Variants in SMOC1 observed in about 807,000 individuals in gnomAD.
SMOC1 encodes the protein SPARC-related modular calcium-binding protein 1.
SMOC1 carries 22 observed loss-of-function variants against 56.3 expected under a neutral mutation model. The observed-to-expected ratio is 0.39, with a 90% CI of 0.28 to 0.56. The LOEUF (loss-of-function observed/expected upper bound fraction) is 0.56. SMOC1 is among the 20% of genes least tolerant of loss of function. The probability of loss-of-function intolerance (pLI) is 0.61; values close to 1 mark genes in which losing one functional copy is unlikely to be tolerated. For missense variants in SMOC1, 509 were observed against 565.4 expected, an observed-to-expected ratio of 0.90 and a Z score of 1.01; for synonymous variants, 193 against 215.0, an observed-to-expected ratio of 0.90 and a Z score of 0.89.
At chr14:69,884,370 A>C (rs1856186894) in intron 1 of SMOC1, among the ~76,000 whole-genome samples, 1 of 152,086 alleles carries the variant, frequency 6.6e-6, no homozygotes, top group Admixed American at 6.5e-5. Flanking sequence ...TCAGATATAC[A>C]GTTTGTGAAT....
intron 1 of SMOC1, among the ~76,000 whole-genome samples, chr14:69,882,309 G>A (rs1883664805): frequency 6.6e-6 from 1 of 152,156 alleles, no homozygotes; most frequent in South Asian, 2.1e-4. Context: ...TTAAGGATTG[G>A]CATCTTTTCC....
intron 1 of SMOC1, among the ~76,000 whole-genome samples, chr14:69,947,879 T>G (rs966499458): frequency 7.2e-5 from 11 of 152,250 alleles, no homozygotes; most frequent in African/African-American, 2.4e-4. Context: ...GAGAAGTTCT[T>G]TTGAACTGTG....
chr14:69,909,880 T>A (rs1394175709), intron 1 of SMOC1, among the ~76,000 whole-genome samples: 1 of 151,918 alleles, frequency 6.6e-6, no homozygotes, highest in Non-Finnish European at 1.5e-5. Context: ...GGTTTTTGGG[T>A]CTAGCACTCC....
chr14:69,965,533 T>G (rs1325461885), intron 3 of SMOC1, among the ~76,000 whole-genome samples: 1 of 152,028 alleles, frequency 6.6e-6, no homozygotes, highest in Non-Finnish European at 1.5e-5. Flanking sequence ...AAGAGTAGGA[T>G]TCTGACTCGA....
At chr14:69,913,171 A>G (rs1884599285) in intron 1 of SMOC1, among the ~76,000 whole-genome samples, 1 of 152,156 alleles carries the variant, frequency 6.6e-6, no homozygotes, top group Non-Finnish European at 1.5e-5. Context: ...GTGTGGTTCT[A>G]TCTGTAGGGT....
At chr14:70,012,453 T>C (rs1885373539) in intron 9 of SMOC1, among the ~76,000 whole-genome samples, 1 of 152,226 alleles carries the variant, frequency 6.6e-6, no homozygotes, top group African/African-American at 2.4e-5. Context: ...CATTTATAGA[T>C]AGTTGTGGTG....
rs572679889 is a variant in SMOC1, at chr14:69,974,869, G to A, written c.379-846G>A. ...CAGGTTTTACCCTTGCCTTAATCCC[G>A]TCATGTGTGCCCTCATCTCAAGACA... On this transcript the variant is annotated intron_variant, in intron 3 of 11. Transcript: ENST00000361956. Among the ~76,000 whole-genome samples, 7 of 152,134 alleles carry A rather than the reference G, an allele frequency of 4.6e-5. No homozygotes were observed. The East Asian group carries it at 5.8e-4, about 13-fold the overall frequency.
chr14:69,911,250 A>G (rs1210186723), intron 1 of SMOC1, among the ~76,000 whole-genome samples: 1 of 152,186 alleles, frequency 6.6e-6, no homozygotes, highest in East Asian at 1.9e-4. Context: ...GCCTGGGGGT[A>G]AAGGCTGGAG....
At position 70,017,402 on chromosome 14, in the gene SMOC1, A is replaced by G. The variant is rs114122345; in HGVS notation, c.1046+3911A>G. On this transcript the variant is annotated intron_variant, in intron 10 of 11. Coordinates refer to ENST00000361956, the MANE Select transcript of SMOC1 (RefSeq NM_001034852.3). Reference sequence around the variant, plus strand: ...CATGTCTGGAACAGGACTGACGAAGACAATTAGGAAATCCAGGCATTCTGA... The same window carrying G: ...CATGTCTGGAACAGGACTGACGAAGGCAATTAGGAAATCCAGGCATTCTGA... 7.9e-4 allele frequency among the ~76,000 whole-genome samples: 120 copies of G among 152,310 alleles called. 2 individuals carry two copies. Among genetic ancestry groups the G allele is most frequent in the African/African-American group, 2.8e-3 (118 of 41,574 alleles).
chr14:69,885,660 TGTC>T, intron 1 of SMOC1: 1 of 1,452,264 alleles, frequency 6.9e-7, no homozygotes, highest in Non-Finnish European at 9.6e-7. Context: ...ATGGGATCCA[TGTC>T]GTGTGAAATC....
intron 1 of SMOC1, among the ~76,000 whole-genome samples, chr14:69,913,528 C>T (rs1158046977): frequency 6.6e-6 from 1 of 151,932 alleles, no homozygotes; most frequent in South Asian, 2.1e-4. Flanking sequence ...ACAATATATT[C>T]CTTGCTTTTC....
chr14:69,942,657 A>G (rs1451564101), intron 1 of SMOC1, among the ~76,000 whole-genome samples: 1 of 152,178 alleles, frequency 6.6e-6, no homozygotes, highest in Non-Finnish European at 1.5e-5. Flanking sequence ...ATGGAATTAT[A>G]TAGTATATAA....
At chr14:69,952,065 T>C in intron 1 of SMOC1, 73 bp from the exon 2 acceptor site, 1 of 1,537,422 alleles carries the variant, frequency 6.5e-7, no homozygotes, top group Non-Finnish European at 9.0e-7. Context: ...AAACAAGTAC[T>C]GTAAGTCATG....
rs114180978 is a variant in SMOC1 at position 69,917,499 on chromosome 14, C to T, written c.100-34639C>T. Reference sequence around the variant, plus strand: ...ACAGCTTCTTAATCAATGAATGACACATTTAGAAAACATTTAAATAAACAT... The same window carrying T: ...ACAGCTTCTTAATCAATGAATGACATATTTAGAAAACATTTAAATAAACAT... On this transcript the variant is annotated intron_variant, in intron 1 of 11. Transcript: ENST00000361956. Among the ~76,000 whole-genome samples the T allele has an allele frequency of 2.2e-3, 339 of 152,282 alleles. 1 individual carries two copies. The highest frequency in any genetic ancestry group is 7.8e-3 in the African/African-American group (323 of 41,560).
At chr14:70,028,028 G>A (rs1170407686) in intron 11 of SMOC1, among the ~76,000 whole-genome samples, 1 of 152,138 alleles carries the variant, frequency 6.6e-6, no homozygotes, top group South Asian at 2.1e-4. Context: ...TGCATGCTAG[G>A]TGGGGACAGA....
At chr14:69,994,598 T>C (rs1264638084) in intron 7 of SMOC1, 118 bp downstream of exon 7, 2 of 815,202 alleles carry the variant, frequency 2.5e-6, no homozygotes, top group African/African-American at 3.4e-5. Context: ...GTTGTCAATT[T>C]CTATAGCTAT....
chr14:69,881,581 A>G (rs1883640855), intron 1 of SMOC1, among the ~76,000 whole-genome samples: 1 of 152,014 alleles, frequency 6.6e-6, no homozygotes, highest in Admixed American at 6.6e-5. Flanking sequence ...AGGAATTGTA[A>G]ATAGGCTGGT....
At chr14:70,000,263 A>C (rs1028653455) in intron 7 of SMOC1, among the ~76,000 whole-genome samples, 3 of 152,238 alleles carry the variant, frequency 2.0e-5, no homozygotes, top group African/African-American at 7.2e-5. Context: ...AAATTTAAAT[A>C]GCTTTTCCAT....
At chr14:69,886,754 A>G (rs973402079) in intron 1 of SMOC1, among the ~76,000 whole-genome samples, 1 of 152,164 alleles carries the variant, frequency 6.6e-6, no homozygotes, top group Non-Finnish European at 1.5e-5. Flanking sequence ...TGTGCCCCTG[A>G]CAAGAATCCT....
Sources: gnomAD v4.1 joint callset for allele counts (sites outside exome capture counted in the v4.1 genomes callset) on GRCh38, gnomAD v4.1.1 for gene constraint, MANE v1.5 for transcripts, NCBI Gene and HGNC (gene_info 2026-07-23, HGNC 2026-07-21) for gene names.